Variants in NOMO2 observed in about 807,000 individuals in gnomAD.
NOMO2 encodes the protein BOS complex subunit NOMO2.
In NOMO2, 14 loss-of-function variants were observed where a neutral mutation model predicts 67.1. The ratio of observed to expected loss-of-function variants is 0.21; its 90% CI spans 0.14 to 0.33. The LOEUF (loss-of-function observed/expected upper bound fraction) is 0.33. Among genes scored for constraint, NOMO2 ranks in the 10% least tolerant of loss-of-function variants. NOMO2 has a pLI of 1.00. For missense variants in NOMO2, 178 were observed against 761.0 expected, an observed-to-expected ratio of 0.23 and a Z score of 9.01; for synonymous variants, 80 against 305.9, an observed-to-expected ratio of 0.26 and a Z score of 7.71.
intron 7 of NOMO2, 50 bp downstream of exon 7, chr16:18,543,567 C>G (rs1477030393): frequency 6.2e-7 from 1 of 1,609,928 alleles, no homozygotes; most frequent in African/African-American, 1.3e-5. Flanking sequence ...TCTATAATCC[C>G]CCACCCTCCT....
At chr16:18,526,339 T>C (rs1901146314) in intron 16 of NOMO2, among the ~76,000 whole-genome samples, 1 of 152,112 alleles carries the variant, frequency 6.6e-6, no homozygotes, top group Admixed American at 6.6e-5. Flanking sequence ...TGACACAGCC[T>C]CTGTGGAAAA....
chr16:18,529,199 C>T (rs1030328307), intron 15 of NOMO2, among the ~76,000 whole-genome samples: 9 of 149,876 alleles, frequency 6.0e-5, no homozygotes, highest in South Asian at 4.3e-4. Flanking sequence ...TGAATTTACC[C>T]GAAGCTATTA....
In NOMO2 at chr16:18,529,641, C is replaced by T. The variant is rs1416958201; in HGVS notation, c.1670-4G>A. On this transcript the variant is annotated splice_region_variant and splice_polypyrimidine_tract_variant and intron_variant, in intron 14 of 30. Transcript: ENST00000622306. ...CAATCCTCATGCATGATGCTTACTG[C>T]AAAAGCAAACACCAAAAACGGATAC... 1.3e-6 allele frequency: 2 copies of T among 1,574,118 alleles called. No homozygotes were observed. The highest frequency in any genetic ancestry group is 1.7e-6 in the Non-Finnish European group (2 of 1,152,060).
At position 18,538,976 on chromosome 16, in the gene NOMO2, A is replaced by C. The variant is rs1901486862; in HGVS notation, c.964-12T>G. 3 of 1,604,818 alleles carry C rather than the reference A, an allele frequency of 1.9e-6. No individual in the cohort carries two copies. Among genetic ancestry groups the C allele is most frequent in the African/African-American group, 1.3e-5 (1 of 74,840 alleles). ...ACGTGGAACACGGGCTAGAAAACAA[A>C]GAACAAGAAGAAGGTGCTCGAAGGT... On this transcript the variant is annotated splice_polypyrimidine_tract_variant and intron_variant, in intron 9 of 30. Coordinates refer to ENST00000622306, the MANE Select transcript of NOMO2 (RefSeq NM_173614.4).
At position 18,547,243 on chromosome 16, in the gene NOMO2, G is replaced by A; in HGVS notation, c.567C>T (p.Thr189=). 1.7e-6 allele frequency: 1 copy of A among 572,950 alleles called. No individual in the cohort carries two copies. Among genetic ancestry groups the A allele is most frequent in the Non-Finnish European group, 3.1e-6 (1 of 324,164 alleles). The allele number at this position is 572,950 out of a possible 1,614,324, so 35.5% of individuals were successfully genotyped here. Residue 189 remains threonine (T), a synonymous_variant, in exon 6 of 31, where the codon ACC becomes ACT. Transcript: ENST00000622306. ...TGTCACTCACCTCTTTCAACGCCCA[G>A]GTTGGATGAGTTGCGAGGATTTCAT... is the stretch of plus-strand genomic sequence containing the variant. The part of the protein sequence containing the change: ...GDYEILATHP[T]WALKEASTTV...
intron 11 of NOMO2, among the ~76,000 whole-genome samples, chr16:18,534,223 A>G (rs1901369802): frequency 6.6e-6 from 1 of 151,894 alleles, no homozygotes; most frequent in African/African-American, 2.4e-5. Flanking sequence ...CTGCCCAGCC[A>G]TATGAGCTCA....
chr16:18,547,528 G>A (rs1246633804), intron 5 of NOMO2, among the ~76,000 whole-genome samples: 4 of 152,004 alleles, frequency 2.6e-5, no homozygotes, highest in African/African-American at 7.2e-5. Context: ...TGTGCTGATC[G>A]GAAAGAGGAG....
chr16:18,559,905 A>G (rs979102559), intron 1 of NOMO2, among the ~76,000 whole-genome samples: 3 of 151,914 alleles, frequency 2.0e-5, no homozygotes, highest in South Asian at 4.2e-4. Context: ...TTAGAGAACA[A>G]AATGTCAGTC....
intron 9 of NOMO2, among the ~76,000 whole-genome samples, chr16:18,539,225 G>C (rs1445642751): frequency 6.7e-6 from 1 of 149,412 alleles, no homozygotes; most frequent in East Asian, 2.0e-4. Flanking sequence ...CTCGTTAAAA[G>C]GTCACTGACT....
At chr16:18,549,110 A>T (rs1387084584) in intron 5 of NOMO2, among the ~76,000 whole-genome samples, 3 of 147,988 alleles carry the variant, frequency 2.0e-5, no homozygotes. Flanking sequence ...GCATGCCACC[A>T]CACCCAGCTA....
intron 2 of NOMO2, among the ~76,000 whole-genome samples, chr16:18,555,687 C>T (rs866408943): frequency 2.6e-3 from 354 of 138,782 alleles, no homozygotes; most frequent in African/African-American, 9.5e-3. Flanking sequence ...TGGCTCACTG[C>T]AACCTCCGTC....
intron 11 of NOMO2, among the ~76,000 whole-genome samples, chr16:18,535,760 A>G (rs1255021542): frequency 6.6e-6 from 1 of 151,978 alleles, no homozygotes; most frequent in Non-Finnish European, 1.5e-5. Context: ...CAAACTTTTT[A>G]AAGTACCATG....
rs1394457224 is a variant in NOMO2 at position 18,525,927 on chromosome 16, T to C, written c.1895-1375A>G. Among the ~76,000 whole-genome samples, 6 of 151,414 alleles carry C rather than the reference T, an allele frequency of 4.0e-5. No homozygotes were observed. In the East Asian group the frequency reaches 1.2e-3, roughly 29 times the overall value. ...AATCACAAAGACACCACCCCTAACA[T>C]CTACCAGCTGCTGAACCCATGCTGG... is the stretch of plus-strand genomic sequence containing the variant. On this transcript the variant is annotated intron_variant, in intron 16 of 30. Coordinates refer to ENST00000622306, the MANE Select transcript of NOMO2 (RefSeq NM_173614.4).
chr16:18,550,833 C>T (rs1488760858), intron 4 of NOMO2, among the ~76,000 whole-genome samples: 1 of 151,974 alleles, frequency 6.6e-6, no homozygotes, highest in Non-Finnish European at 1.5e-5. Context: ...CCTTCCAATT[C>T]GGCATCCCTG....
intron 11 of NOMO2, among the ~76,000 whole-genome samples, chr16:18,536,956 C>CTA (rs1901437541): frequency 6.6e-6 from 1 of 151,966 alleles, no homozygotes; most frequent in Admixed American, 6.6e-5. Flanking sequence ...GGGCCCAGCT[C>CTA]CCTGCACCTC....
In NOMO2 at chr16:18,561,992, C is replaced by T. The variant is rs1406259443; in HGVS notation, c.49G>A (p.Ala17Thr). 14 of 1,556,090 alleles carry T rather than the reference C, an allele frequency of 9.0e-6. No individual in the cohort carries two copies. In the African/African-American group the frequency reaches 1.1e-4, roughly 12 times the overall value. Residue 17 changes from alanine to threonine, a missense_variant, in exon 1 of 31, where the codon GCC becomes ACC. By Grantham distance (58) the Ala-to-Thr change is moderately conservative (BLOSUM62 0). Transcript: ENST00000622306. ...AGLLGPAVVT[A>T]AVVLLLSGVG... ...CCGCTCAGCAGCAGCACCACCGCGGCGGTGACCACCGCGGGCCCCAGCAGC... is the reference window on the plus strand; with the variant it reads ...CCGCTCAGCAGCAGCACCACCGCGGTGGTGACCACCGCGGGCCCCAGCAGC...
At chr16:18,554,319 A>C (rs1178501433) in intron 3 of NOMO2, among the ~76,000 whole-genome samples, 2 of 151,930 alleles carry the variant, frequency 1.3e-5, no homozygotes, top group African/African-American at 4.8e-5. Context: ...ACACGGGGGA[A>C]GTAACTTGCC....
intron 5 of NOMO2, among the ~76,000 whole-genome samples, chr16:18,547,776 A>G (rs1901685787): frequency 6.6e-6 from 1 of 151,632 alleles, no homozygotes; most frequent in African/African-American, 2.4e-5. Flanking sequence ...CAAATGACAC[A>G]GGGCAGGGTA....
chr16:18,546,047 T>G (rs1321909113), intron 6 of NOMO2, among the ~76,000 whole-genome samples: 1 of 25,810 alleles, frequency 3.9e-5, no homozygotes, highest in Admixed American at 5.3e-4. Flanking sequence ...GAGGCGGAGG[T>G]TGCAATGAGC....
Sources: allele counts gnomAD v4.1 joint callset (sites outside exome capture counted in the v4.1 genomes callset), GRCh38; gene constraint gnomAD v4.1.1; transcripts MANE v1.5; gene names NCBI Gene and HGNC (gene_info 2026-07-23, HGNC 2026-07-21).